The following KIAA1217 variants were observed in gnomAD, a reference collection of about 807,000 sequenced individuals.
The protein encoded by KIAA1217 is KIAA1217.
In KIAA1217, 88 loss-of-function variants were observed where a neutral mutation model predicts 163.9. The ratio of observed to expected loss-of-function variants is 0.54; its 90% CI spans 0.45 to 0.64. The LOEUF is 0.64. Ranked by LOEUF, KIAA1217 falls within the 30% of genes least tolerant of loss-of-function variation. The pLI is 0.00. For missense variants in KIAA1217, 2,372 were observed against 2,475.0 expected, an observed-to-expected ratio of 0.96 and a Z score of 0.88; for synonymous variants, 903 against 923.1, an observed-to-expected ratio of 0.98 and a Z score of 0.39.
At chr10:24,193,121 G>T (rs2066805743) in intron 2 of KIAA1217, among the ~76,000 whole-genome samples, 1 of 152,062 alleles carries the variant, frequency 6.6e-6, no homozygotes, top group African/African-American at 2.4e-5. Flanking sequence ...GTCTTGCTAT[G>T]TTGCCCAGGC....
intron 2 of KIAA1217, chr10:24,368,792 A>G: frequency 2.1e-6 from 2 of 954,850 alleles, no homozygotes; most frequent in Non-Finnish European, 2.5e-6. Context: ...CAAGAACAGT[A>G]GGAAGCTGAG....
intron 1 of KIAA1217, among the ~76,000 whole-genome samples, chr10:23,796,839 T>G (rs1836230963): frequency 6.6e-6 from 1 of 152,040 alleles, no homozygotes; most frequent in African/African-American, 2.4e-5. Context: ...TTTTAAGATA[T>G]ATGTATGTAT....
At chr10:24,360,552 G>A (rs915766326) in intron 2 of KIAA1217, among the ~76,000 whole-genome samples, 16 of 152,176 alleles carry the variant, frequency 1.1e-4, no homozygotes, top group African/African-American at 3.4e-4. Context: ...CATTCAGCCC[G>A]AGTTTGAACC....
In KIAA1217 at chr10:24,466,722, T is replaced by G. The variant is rs1477086024; in HGVS notation, c.847-6506T>G. ...ATGAAGCCAGCAAACAAAGGAATCA[T>G]GTAATCAGGACCTGAGCGAATGTGC... is the stretch of plus-strand genomic sequence containing the variant. On this transcript the variant is annotated intron_variant, in intron 5 of 20. Coordinates refer to ENST00000376454, the MANE Select transcript of KIAA1217 (RefSeq NM_019590.5). The G allele has an allele frequency of 4.1e-6, 4 of 985,348 alleles. No individual in the cohort carries two copies. In the African/African-American group the frequency reaches 7.0e-5, roughly 17 times the overall value. The allele number at this position is 985,348 out of a possible 1,614,324, so 61.0% of individuals were successfully genotyped here. A position where few individuals can be genotyped will look rare whatever the true frequency, so the allele number is the denominator to read the frequency against.
At chr10:23,915,817 T>C (rs1842615211) in intron 1 of KIAA1217, among the ~76,000 whole-genome samples, 1 of 152,266 alleles carries the variant, frequency 6.6e-6, no homozygotes, top group Admixed American at 6.5e-5. Flanking sequence ...AATACCTTTG[T>C]AGAATTGCCT....
chr10:24,008,228 C>G (rs1270699202), intron 2 of KIAA1217, among the ~76,000 whole-genome samples: 1 of 151,760 alleles, frequency 6.6e-6, no homozygotes, highest in Non-Finnish European at 1.5e-5. Flanking sequence ...GTCTCAATAC[C>G]GTCTTCATTC....
intron 1 of KIAA1217, among the ~76,000 whole-genome samples, chr10:23,980,147 C>G (rs572589724): frequency 6.6e-6 from 1 of 152,246 alleles, no homozygotes; most frequent in East Asian, 1.9e-4. Flanking sequence ...TTGTTTTGGT[C>G]TGTCCCTTTC....
intron 1 of KIAA1217, among the ~76,000 whole-genome samples, chr10:23,987,593 A>C (rs552098257): frequency 6.9e-6 from 1 of 144,716 alleles, no homozygotes; most frequent in Non-Finnish European, 1.5e-5. Context: ...TCATTACCTC[A>C]CATTCTTATT....
intron 2 of KIAA1217, among the ~76,000 whole-genome samples, chr10:24,370,054 A>G (rs959221183): frequency 6.6e-6 from 1 of 152,166 alleles, no homozygotes; most frequent in Non-Finnish European, 1.5e-5. Context: ...TCACGAGGTC[A>G]GGAGATCGAG....
intron 1 of KIAA1217, among the ~76,000 whole-genome samples, chr10:23,708,233 A>T (rs1005875484): frequency 6.6e-6 from 1 of 152,190 alleles, no homozygotes; most frequent in African/African-American, 2.4e-5. Flanking sequence ...CACCTCCGTG[A>T]TTCCATTATC....
At chr10:23,739,514 G>A (rs1442525531) in intron 1 of KIAA1217, among the ~76,000 whole-genome samples, 1 of 152,202 alleles carries the variant, frequency 6.6e-6, no homozygotes, top group Non-Finnish European at 1.5e-5. Flanking sequence ...TGTCAGCGTG[G>A]CTTGAGCAGA....
intron 1 of KIAA1217, among the ~76,000 whole-genome samples, chr10:24,211,100 A>G (rs2068018025): frequency 6.6e-6 from 1 of 152,208 alleles, no homozygotes; most frequent in Admixed American, 6.5e-5. Context: ...AGAGAAAAAT[A>G]AAGCAGGAAA....
chr10:23,750,375 A>C (rs1839669179), intron 1 of KIAA1217, among the ~76,000 whole-genome samples: 1 of 152,212 alleles, frequency 6.6e-6, no homozygotes, highest in African/African-American at 2.4e-5. Flanking sequence ...ATAGTCCAGC[A>C]GTCCTAAGAA....
intron 1 of KIAA1217, among the ~76,000 whole-genome samples, chr10:23,730,889 T>A (rs1838438267): frequency 1.3e-5 from 2 of 152,214 alleles, no homozygotes; most frequent in South Asian, 4.1e-4. Context: ...AGAAGGCTTT[T>A]TGTTCAGTTC....
At chr10:23,956,122 T>A (rs555303080) in intron 1 of KIAA1217, among the ~76,000 whole-genome samples, 2 of 152,294 alleles carry the variant, frequency 1.3e-5, no homozygotes, top group East Asian at 3.9e-4. Context: ...AAGTTCTTTT[T>A]TTAGGTGAGT....
intron 1 of KIAA1217, among the ~76,000 whole-genome samples, chr10:23,721,121 T>G (rs1837855303): frequency 6.6e-6 from 1 of 152,186 alleles, no homozygotes; most frequent in Admixed American, 6.5e-5. Context: ...ATGTGAGAAC[T>G]TCATAAAACA....
chr10:24,512,744 CA>C (rs1490040867), intron 9 of KIAA1217, among the ~76,000 whole-genome samples: 1 of 152,160 alleles, frequency 6.6e-6, no homozygotes, highest in African/African-American at 2.4e-5. Flanking sequence ...ATTTCATAGC[CA>C]AATCACCACG....
intron 10 of KIAA1217, among the ~76,000 whole-genome samples, chr10:24,517,578 CT>C (rs1481732671): frequency 6.6e-6 from 1 of 152,190 alleles, no homozygotes; most frequent in East Asian, 1.9e-4. Context: ...CCTCGTTCTC[CT>C]TTTTGTTCTT....
chr10:23,853,966 C>T (rs1053873954), intron 1 of KIAA1217, among the ~76,000 whole-genome samples: 2 of 152,130 alleles, frequency 1.3e-5, no homozygotes, highest in African/African-American at 4.8e-5. Flanking sequence ...AAAAAACCAG[C>T]TCCTGGATTC....
Sources: gnomAD v4.1 joint callset for allele counts (sites outside exome capture counted in the v4.1 genomes callset) on GRCh38, gnomAD v4.1.1 for gene constraint, MANE v1.5 for transcripts, NCBI Gene and HGNC (gene_info 2026-07-23, HGNC 2026-07-21) for gene names.